The following KCNJ6 variants were observed in gnomAD, a reference collection of about 807,000 sequenced individuals.
KCNJ6 encodes the protein G protein-activated inward rectifier potassium channel 2.
A neutral mutation model predicts 34.2 loss-of-function variants in KCNJ6; 9 were observed. The ratio of observed to expected loss-of-function variants is 0.26; its 90% CI spans 0.16 to 0.46. The LOEUF (loss-of-function observed/expected upper bound fraction) is 0.46, where lower values mean the gene tolerates loss of function less well. Among genes scored for constraint, KCNJ6 ranks in the 20% least tolerant of loss-of-function variants. KCNJ6 has a pLI of 1.00. For synonymous variants in KCNJ6, 196 were observed against 207.1 expected, an observed-to-expected ratio of 0.95 and a Z score of 0.46; for missense variants, 236 against 531.3, an observed-to-expected ratio of 0.44 and a Z score of 5.46.
chr21:37,900,270 A>C (rs1057389407), intron 1 of KCNJ6, among the ~76,000 whole-genome samples: 1 of 152,228 alleles, frequency 6.6e-6, no homozygotes, highest in African/African-American at 2.4e-5. Flanking sequence ...ACAACAACAA[A>C]AAAAGGGAAA....
intron 1 of KCNJ6, among the ~76,000 whole-genome samples, chr21:37,899,300 A>G (rs967732261): frequency 6.6e-6 from 1 of 152,186 alleles, no homozygotes; most frequent in Non-Finnish European, 1.5e-5. Flanking sequence ...GAAACTAATA[A>G]TAGTTTGTGA....
At chr21:37,676,167 G>T (rs928722290) in intron 3 of KCNJ6, among the ~76,000 whole-genome samples, 6 of 152,224 alleles carry the variant, frequency 3.9e-5, no homozygotes, top group Admixed American at 3.3e-4. Flanking sequence ...CACAGGGCAC[G>T]TCTGAGTGCA....
At chr21:37,776,646 T>G (rs1383202721) in intron 2 of KCNJ6, among the ~76,000 whole-genome samples, 1 of 152,234 alleles carries the variant, frequency 6.6e-6, no homozygotes, top group Admixed American at 6.5e-5. Context: ...TATGCTGGAT[T>G]ACGTTCATTG....
chr21:37,723,741 G>A (rs1052685022), intron 2 of KCNJ6, among the ~76,000 whole-genome samples: 4 of 152,072 alleles, frequency 2.6e-5, no homozygotes, highest in African/African-American at 9.7e-5. Context: ...AGATAGCATT[G>A]GGAAACACTG....
At chr21:37,673,415 G>A (rs1048319345) in intron 3 of KCNJ6, among the ~76,000 whole-genome samples, 14 of 152,228 alleles carry the variant, frequency 9.2e-5, no homozygotes, top group African/African-American at 2.4e-4. Context: ...TCCAGGAGCC[G>A]GCTCCTTGGA....
chr21:37,634,045 G>T (rs144760464), intron 3 of KCNJ6, among the ~76,000 whole-genome samples: 1 of 152,164 alleles, frequency 6.6e-6, no homozygotes, highest in Non-Finnish European at 1.5e-5. Context: ...TTAGATCACA[G>T]GACATATTTA....
intron 2 of KCNJ6, among the ~76,000 whole-genome samples, chr21:37,716,939 ACT>A (rs3061015): frequency 0.33 from 49,877 of 151,978 alleles, 8,410 homozygotes; most frequent in African/African-American, 0.4. Flanking sequence ...CTTTATGGAC[ACT>A]CTGTTTTTAA....
chr21:37,892,451 C>T (rs147034041), intron 1 of KCNJ6, among the ~76,000 whole-genome samples: 160 of 152,258 alleles, frequency 1.1e-3, no homozygotes, highest in Non-Finnish European at 7.8e-4. Context: ...TAGTATCTGG[C>T]TATATTTCTT....
At position 37,901,534 on chromosome 21, in the gene KCNJ6, CTT is replaced by C. The variant is rs1290703979; in HGVS notation, c.-28+14348_-28+14349del. On this transcript the variant is annotated intron_variant, in intron 1 of 3. Coordinates refer to ENST00000609713, the MANE Select transcript of KCNJ6 (RefSeq NM_002240.5). Reference sequence around the variant, plus strand: ...CATTGACCTTGACTTTACCGTAAAACTTTGATGATTGAGAATGCTTCAGGACT... The same window carrying C: ...CATTGACCTTGACTTTACCGTAAAACTGATGATTGAGAATGCTTCAGGACT... 2.0e-5 allele frequency among the ~76,000 whole-genome samples: 3 copies of C among 152,318 alleles called. No individual in the cohort carries two copies. The East Asian group carries it at 5.8e-4, about 29-fold the overall frequency.
At chr21:37,877,733 T>C (rs1319982482) in intron 1 of KCNJ6, among the ~76,000 whole-genome samples, 1 of 152,240 alleles carries the variant, frequency 6.6e-6, no homozygotes, top group East Asian at 1.9e-4. Flanking sequence ...AGGACACTTG[T>C]CCCTCTCACT....
At chr21:37,833,108 G>A (rs905157034) in intron 2 of KCNJ6, among the ~76,000 whole-genome samples, 3 of 152,034 alleles carry the variant, frequency 2.0e-5, no homozygotes, top group Admixed American at 6.5e-5. Context: ...TCCACCTCCC[G>A]GGTTCAAGCA....
intron 3 of KCNJ6, among the ~76,000 whole-genome samples, chr21:37,704,243 G>C (rs917403709): frequency 8.6e-6 from 1 of 116,462 alleles, no homozygotes; most frequent in Admixed American, 8.9e-5. Flanking sequence ...ACATCATCTA[G>C]GGGGATCACG....
chr21:37,752,983 GA>G (rs1459940265), intron 2 of KCNJ6, among the ~76,000 whole-genome samples: 1 of 152,190 alleles, frequency 6.6e-6, no homozygotes, highest in Non-Finnish European at 1.5e-5. Context: ...GCCAAAGTGA[GA>G]GAAAAGACAA....
chr21:37,866,417 T>C (rs2055622948), intron 1 of KCNJ6, among the ~76,000 whole-genome samples: 1 of 152,222 alleles, frequency 6.6e-6, no homozygotes, highest in Admixed American at 6.5e-5. Flanking sequence ...TGGGTTTCTA[T>C]AGATGGATGG....
At chr21:37,694,690 T>C (rs530663140) in intron 3 of KCNJ6, among the ~76,000 whole-genome samples, 5 of 152,326 alleles carry the variant, frequency 3.3e-5, no homozygotes, top group Non-Finnish European at 7.4e-5. Flanking sequence ...TTGCGTAATG[T>C]CATGGACTGA....
At chr21:37,753,863 C>CGGACACTT (rs1568835128) in intron 2 of KCNJ6, among the ~76,000 whole-genome samples, 1 of 152,198 alleles carries the variant, frequency 6.6e-6, no homozygotes, top group African/African-American at 2.4e-5. Flanking sequence ...TCTGAGACAT[C>CGGACACTT]GGACACTATG....
chr21:37,836,441 C>T (rs560986683), intron 2 of KCNJ6, among the ~76,000 whole-genome samples: 11 of 152,162 alleles, frequency 7.2e-5, no homozygotes, highest in Non-Finnish European at 1.3e-4. Flanking sequence ...CATGCACACA[C>T]GTGTTTATTG....
intron 2 of KCNJ6, among the ~76,000 whole-genome samples, chr21:37,727,401 G>A (rs2054860116): frequency 6.6e-6 from 1 of 152,048 alleles, no homozygotes; most frequent in Non-Finnish European, 1.5e-5. Context: ...GGTGAGTGTA[G>A]ATGAAGTATT....
chr21:37,824,153 A>C (rs2055387805), intron 2 of KCNJ6, among the ~76,000 whole-genome samples: 2 of 152,192 alleles, frequency 1.3e-5, no homozygotes, highest in Non-Finnish European at 2.9e-5. Context: ...TGACACAAAA[A>C]ATGCATATTT....
Sources: gnomAD v4.1 joint callset for allele counts (sites outside exome capture counted in the v4.1 genomes callset) on GRCh38, gnomAD v4.1.1 for gene constraint, MANE v1.5 for transcripts, NCBI Gene and HGNC (gene_info 2026-07-23, HGNC 2026-07-21) for gene names.